The following AKNAD1 variants were observed in gnomAD, a reference collection of about 807,000 sequenced individuals.
AKNAD1 encodes the protein protein AKNAD1.
In AKNAD1, 67 loss-of-function variants were observed where a neutral mutation model predicts 90.8. The observed-to-expected ratio is 0.74, with a 90% CI of 0.61 to 0.90. AKNAD1 has a LOEUF of 0.90. Ranked by LOEUF, AKNAD1 falls within the 40% of genes least tolerant of loss-of-function variation. The pLI is 0.00. For synonymous variants in AKNAD1, 327 were observed against 341.4 expected (o/e 0.96, Z 0.46); for missense variants, 957 against 975.4 (o/e 0.98, Z 0.25).
intron 6 of AKNAD1, among the ~76,000 whole-genome samples, chr1:108,840,430 C>G (rs1218908439): frequency 1.3e-5 from 2 of 152,148 alleles, no homozygotes; most frequent in African/African-American, 2.4e-5. Context: ...ATACTTACTA[C>G]AAAGATTTCA....
intron 9 of AKNAD1, 73 bp from the exon 10 acceptor site, chr1:108,830,723 C>T: frequency 6.9e-7 from 1 of 1,457,286 alleles, no homozygotes; most frequent in Non-Finnish European, 9.6e-7. Context: ...ACGCACAGCC[C>T]AGCAAGCAGC....
chr1:108,822,711 G>A (rs1194203087), intron 13 of AKNAD1, among the ~76,000 whole-genome samples: 2 of 152,174 alleles, frequency 1.3e-5, no homozygotes, highest in Non-Finnish European at 2.9e-5. Context: ...ACCAGGTATA[G>A]CTGTCGTTCA....
At chr1:108,822,992 T>G in intron 13 of AKNAD1, 2 of 575,382 alleles carry the variant, frequency 3.5e-6, no homozygotes, top group South Asian at 4.6e-5. Flanking sequence ...CTTCTCTACA[T>G]GCTGACTCTT....
Position 108,853,136 on chromosome 1 carries a change from C to CTTTTTTCTTT in AKNAD1, c.-103-370_-103-369insAAAGAAAAAA, listed in dbSNP as rs1398505027. On this transcript the variant is annotated intron_variant, in intron 1 of 15. Coordinates refer to ENST00000370001, the MANE Select transcript of AKNAD1 (RefSeq NM_152763.5). ...AAAGGATTGATTTTTTTTCTTTTTT[C>CTTTTTTCTTT]TTTTTTTTTTTTTGAGACGGAGTCT... 1.7e-3 allele frequency among the ~76,000 whole-genome samples: 229 copies of CTTTTTTCTTT among 133,534 alleles called. 1 individual carries two copies. The highest frequency in any genetic ancestry group is 3.0e-3 in the Non-Finnish European group (191 of 63,150). 87.6% of individuals were successfully genotyped at this position (133,534 alleles called of 152,430 possible). A position where few individuals can be genotyped will look rare whatever the true frequency, so the allele number is the denominator to read the frequency against.
At chr1:108,836,455 A>G (rs1296588355) in intron 7 of AKNAD1, among the ~76,000 whole-genome samples, 3 of 152,098 alleles carry the variant, frequency 2.0e-5, no homozygotes, top group Non-Finnish European at 4.4e-5. Flanking sequence ...GGCCGGGGCC[A>G]AGAATTCCTC....
intron 14 of AKNAD1, among the ~76,000 whole-genome samples, chr1:108,819,306 A>C (rs947161364): frequency 2.6e-5 from 4 of 152,020 alleles, no homozygotes; most frequent in Admixed American, 2.6e-4. Context: ...AGAAATTTTT[A>C]AATTCCCTGA....
chr1:108,817,497 A>ATTTTTTTTTTTTTTT (rs10681740), intron 14 of AKNAD1: 3 of 60,334 alleles, frequency 5.0e-5, no homozygotes, highest in African/African-American at 6.8e-5. Flanking sequence ...TTTTTTTTTA[A>ATTTTTTTTTTTTTTT]TTTTTTTTTT....
chr1:108,824,616 ATT>A (rs1663936093), intron 11 of AKNAD1, among the ~76,000 whole-genome samples: 1 of 151,556 alleles, frequency 6.6e-6, no homozygotes, highest in Non-Finnish European at 1.5e-5. Flanking sequence ...TTAACGTGCT[ATT>A]TTTATTTTTT....
chr1:108,829,750 A>G (rs1485923094), intron 10 of AKNAD1, among the ~76,000 whole-genome samples: 3 of 152,140 alleles, frequency 2.0e-5, no homozygotes, highest in Admixed American at 6.5e-5. Flanking sequence ...ATTAGAATCC[A>G]TTACGTACAT....
rs202147681 is a variant in AKNAD1, at chr1:108,820,556, G to T, written c.2238C>A (p.Pro746=). The T allele has an allele frequency of 6.2e-5, 99 of 1,602,464 alleles. 1 individual carries two copies. The East Asian group carries it at 2.1e-3, about 35-fold the overall frequency. The change falls in exon 14 of 16, where the codon CCC becomes CCA. Residue 746 remains proline (P), a synonymous_variant. Coordinates refer to ENST00000370001, the MANE Select transcript of AKNAD1 (RefSeq NM_152763.5). ...GAAATAATACTTACTTTCCTGGTGT[G>T]GGCTCATGTTCACCTTTAAAGGATT... ...NSKSFKGEHE[P]TPGKKKLQAF...
At chr1:108,839,793 G>A (rs1664484723) in intron 6 of AKNAD1, among the ~76,000 whole-genome samples, 1 of 152,088 alleles carries the variant, frequency 6.6e-6, no homozygotes, top group South Asian at 2.1e-4. Context: ...CCACAGTGTG[G>A]GAGTATCACT....
intron 6 of AKNAD1, among the ~76,000 whole-genome samples, chr1:108,840,786 C>T (rs1244164579): frequency 6.6e-6 from 1 of 151,996 alleles, no homozygotes; most frequent in Non-Finnish European, 1.5e-5. Context: ...ATGAAAAAAA[C>T]AAAGTGATAA....
At chr1:108,851,628 C>A in intron 2 of AKNAD1, 44 bp downstream of exon 2, 1 of 1,504,246 alleles carries the variant, frequency 6.6e-7, no homozygotes. Flanking sequence ...AAGAGATAAG[C>A]AGTGGTCCCA....
At position 108,823,486 on chromosome 1, in the gene AKNAD1, A is replaced by G. The variant is rs777767037; in HGVS notation, c.2060-9T>C. ...GTATCTATAATGAAATTCTGGGAAG[A>G]AAAGATTAAAAATACAGTTAATTGC... On this transcript the variant is annotated splice_polypyrimidine_tract_variant and intron_variant, in intron 12 of 15. Coordinates refer to ENST00000370001, the MANE Select transcript of AKNAD1 (RefSeq NM_152763.5). 1 of 1,612,628 alleles carries G rather than the reference A, an allele frequency of 6.2e-7. No homozygotes were observed. Among genetic ancestry groups the G allele is most frequent in the African/African-American group, 1.3e-5 (1 of 74,888 alleles).
Position 108,827,301 on chromosome 1 carries a change from T to G in AKNAD1, c.1840A>C (p.Lys614Gln). The G allele has an allele frequency of 6.2e-7, 1 of 1,606,056 alleles. No homozygotes were observed. The highest frequency in any genetic ancestry group is 8.5e-7 in the Non-Finnish European group (1 of 1,174,882). Reference protein sequence around the residue: ...CAFCRRLLEWKQNVEKKGHGR... With the variant: ...CAFCRRLLEWQQNVEKKGHGR... Reference sequence around the variant, plus strand: ...TGGCCCTTTTTCTCCACGTTTTGCTTCCTAAAAAAAGGTGCATAAGATCCT... The same window carrying G: ...TGGCCCTTTTTCTCCACGTTTTGCTGCCTAAAAAAAGGTGCATAAGATCCT... Residue 614 changes from lysine (K) to glutamine (Q), a missense_variant and splice_region_variant, in exon 11 of 16, where the codon AAG (lysine) becomes CAG (glutamine). Transcript: ENST00000370001.
intron 14 of AKNAD1, among the ~76,000 whole-genome samples, chr1:108,818,222 G>T (rs553235895): frequency 4.5e-4 from 69 of 152,290 alleles, no homozygotes; most frequent in African/African-American, 1.5e-3. Context: ...AGCTTCCTCC[G>T]GCTTCAGGTT....
chr1:108,823,222 A>C, intron 13 of AKNAD1, 148 bp downstream of exon 13: 1 of 735,920 alleles, frequency 1.4e-6, no homozygotes, highest in African/African-American at 1.7e-5. Flanking sequence ...TGGATTTGGA[A>C]GTGTCAGGTG....
At chr1:108,835,571 GTAT>G (rs1292090635) in intron 7 of AKNAD1, among the ~76,000 whole-genome samples, 2 of 151,522 alleles carry the variant, frequency 1.3e-5, no homozygotes, top group East Asian at 1.9e-4. Context: ...CACGCAGAAT[GTAT>G]TATTATTTTC....
intron 13 of AKNAD1, 170 bp downstream of exon 13, chr1:108,823,200 C>A (rs1189798294): frequency 1.4e-6 from 1 of 725,164 alleles, no homozygotes; most frequent in Admixed American, 2.0e-5. Flanking sequence ...TCTTGCCATC[C>A]AGATGTAGGG....
Sources: allele counts gnomAD v4.1 joint callset (sites outside exome capture counted in the v4.1 genomes callset), GRCh38; gene constraint gnomAD v4.1.1; transcripts MANE v1.5; gene names NCBI Gene and HGNC (gene_info 2026-07-23, HGNC 2026-07-21).